NRG1: variants seen among roughly 807,000 people sequenced by gnomAD.
The protein encoded by NRG1 is pro-neuregulin-1, membrane-bound isoform.
NRG1 carries 18 observed loss-of-function variants against 63.8 expected under a neutral mutation model. The ratio of observed to expected loss-of-function variants is 0.28; its 90% CI spans 0.19 to 0.42. The LOEUF is 0.42. Among genes scored for constraint, NRG1 ranks in the 10% least tolerant of loss-of-function variants. The pLI is 1.00. For missense variants in NRG1, 762 were observed against 814.7 expected (o/e 0.94, Z 0.79); for synonymous variants, 302 against 301.3 (o/e 1.00, Z -0.02).
At chr8:32,400,241 T>C (rs921257408) in intron 1 of NRG1, among the ~76,000 whole-genome samples, 2 of 152,174 alleles carry the variant, frequency 1.3e-5, no homozygotes, top group African/African-American at 4.8e-5. Flanking sequence ...CCCAGCACTT[T>C]GGGAGGCCAA....
In NRG1 at chr8:31,817,223, C is replaced by T. The variant is rs146126312; in HGVS notation, c.37+177792C>T. Among the ~76,000 whole-genome samples the T allele has an allele frequency of 2.5e-4, 38 of 152,314 alleles. No individual in the cohort carries two copies. The East Asian group carries it at 5.8e-3, about 23-fold the overall frequency. ...GCATTAGTGCACCTAAGAATGTTCTCGCTAATTTGAGCACTTCTCACCATG... is the reference window on the plus strand; with the variant it reads ...GCATTAGTGCACCTAAGAATGTTCTTGCTAATTTGAGCACTTCTCACCATG... On this transcript the variant is annotated intron_variant, in intron 1 of 10. Transcript: ENST00000519301.
chr8:31,771,439 G>GT (rs1818618285), intron 1 of NRG1, among the ~76,000 whole-genome samples: 1 of 151,900 alleles, frequency 6.6e-6, no homozygotes, highest in Admixed American at 6.6e-5. Flanking sequence ...ATATTTTACT[G>GT]TTTTTTCCTA....
intron 5 of NRG1, among the ~76,000 whole-genome samples, chr8:32,623,458 A>G (rs1005974019): frequency 6.6e-6 from 1 of 152,184 alleles, no homozygotes; most frequent in African/African-American, 2.4e-5. Flanking sequence ...GTGTTTTCAG[A>G]TTTCTATAAA....
chr8:32,320,671 G>A (rs1373686510), intron 1 of NRG1, among the ~76,000 whole-genome samples: 2 of 152,102 alleles, frequency 1.3e-5, no homozygotes, highest in East Asian at 3.9e-4. Flanking sequence ...CTCCCACAGG[G>A]CCCCTCCTCC....
intron 1 of NRG1, among the ~76,000 whole-genome samples, chr8:31,926,215 A>G (rs1187087731): frequency 6.6e-6 from 1 of 152,156 alleles, no homozygotes; most frequent in African/African-American, 2.4e-5. Context: ...ACAGCCCTTC[A>G]GAGGTCTCAA....
At chr8:31,742,509 A>T (rs73590116) in intron 1 of NRG1, among the ~76,000 whole-genome samples, 1,477 of 89,172 alleles carry the variant, frequency 0.017, 33 homozygotes, top group African/African-American at 0.06. Flanking sequence ...TCTATGGAAA[A>T]TGTTGTTTGA....
At chr8:31,641,329 TGG>T (rs199766628) in intron 1 of NRG1, among the ~76,000 whole-genome samples, 3 of 140,156 alleles carry the variant, frequency 2.1e-5, no homozygotes, top group African/African-American at 7.6e-5. Context: ...TTGTTATTGG[TGG>T]GGGTTTTTTT....
chr8:32,649,714 A>C (rs1854578569), intron 5 of NRG1, among the ~76,000 whole-genome samples: 1 of 151,590 alleles, frequency 6.6e-6, no homozygotes, highest in Admixed American at 6.6e-5. Context: ...AGATTTAAAG[A>C]AAAAAAAAGT....
intron 1 of NRG1, among the ~76,000 whole-genome samples, chr8:31,737,043 T>G (rs1814747699): frequency 6.6e-6 from 1 of 152,182 alleles, no homozygotes; most frequent in Non-Finnish European, 1.5e-5. Context: ...TCTTTCCATC[T>G]AGGCCAAGAC....
At chr8:32,722,163 A>G in intron 5 of NRG1, 1 of 824,524 alleles carries the variant, frequency 1.2e-6, no homozygotes. Flanking sequence ...TTCTGTAAGT[A>G]ACTCGTAAAG....
chr8:31,866,475 T>C (rs1482380167), intron 1 of NRG1, among the ~76,000 whole-genome samples: 1 of 152,156 alleles, frequency 6.6e-6, no homozygotes, highest in Non-Finnish European at 1.5e-5. Context: ...GGGATACAAT[T>C]TGTTGACTTT....
At chr8:31,820,434 G>A (rs767770098) in intron 1 of NRG1, among the ~76,000 whole-genome samples, 10 of 152,182 alleles carry the variant, frequency 6.6e-5, no homozygotes, top group Non-Finnish European at 1.3e-4. Context: ...CAGAGGAGAC[G>A]CATCTCTAAA....
chr8:32,356,301 C>T (rs1027624189), intron 1 of NRG1, among the ~76,000 whole-genome samples: 1 of 152,116 alleles, frequency 6.6e-6, no homozygotes, highest in African/African-American at 2.4e-5. Context: ...AATTAGACAT[C>T]GACTGTGTAG....
At chr8:32,502,857 T>C (rs977207939) in intron 1 of NRG1, among the ~76,000 whole-genome samples, 2 of 152,202 alleles carry the variant, frequency 1.3e-5, no homozygotes, top group Non-Finnish European at 2.9e-5. Flanking sequence ...ATGCATTCTG[T>C]GCTACATTAG....
At chr8:32,366,735 A>G (rs1307016551) in intron 1 of NRG1, among the ~76,000 whole-genome samples, 1 of 120,248 alleles carries the variant, frequency 8.3e-6, no homozygotes, top group Non-Finnish European at 1.8e-5. Context: ...TTTTTGAGAC[A>G]GAGTCTTGCT....
intron 1 of NRG1, among the ~76,000 whole-genome samples, chr8:31,919,385 A>G (rs535691582): frequency 1.5e-5 from 2 of 135,994 alleles, no homozygotes; most frequent in Admixed American, 1.5e-4. Flanking sequence ...AGGGGTTGTC[A>G]TTCTTTTTTT....
chr8:32,050,925 C>G (rs1027534853), intron 1 of NRG1, among the ~76,000 whole-genome samples: 17 of 151,994 alleles, frequency 1.1e-4, no homozygotes, highest in Non-Finnish European at 2.4e-4. Flanking sequence ...AACATAAAGA[C>G]AGATGATTTA....
intron 1 of NRG1, among the ~76,000 whole-genome samples, chr8:32,005,930 T>G (rs997782828): frequency 3.9e-5 from 6 of 152,048 alleles, no homozygotes; most frequent in Non-Finnish European, 8.8e-5. Flanking sequence ...TAGAAGTTTC[T>G]TTGTTCTAGT....
At chr8:32,678,546 T>A (rs901663974) in intron 5 of NRG1, among the ~76,000 whole-genome samples, 2 of 152,180 alleles carry the variant, frequency 1.3e-5, no homozygotes, top group African/African-American at 2.4e-5. Flanking sequence ...TCATCGCTAG[T>A]ATTATATGAT....
Sources: gnomAD v4.1 joint callset for allele counts (sites outside exome capture counted in the v4.1 genomes callset) on GRCh38, gnomAD v4.1.1 for gene constraint, MANE v1.5 for transcripts, NCBI Gene and HGNC (gene_info 2026-07-23, HGNC 2026-07-21) for gene names.